Variants in ARHGAP15 observed in about 807,000 individuals in gnomAD.
The protein encoded by ARHGAP15 is Rho GTPase activating protein 15, also known as rho GTPase-activating protein 15.
ARHGAP15 carries 51 observed loss-of-function variants against 63.7 expected under a neutral mutation model. The ratio of observed to expected loss-of-function variants is 0.80; its 90% CI spans 0.64 to 1.01. The LOEUF is 1.01. Among genes scored for constraint, ARHGAP15 ranks in the 50% least tolerant of loss-of-function variants. The probability of loss-of-function intolerance (pLI) is 0.00; values close to 1 mark genes in which losing one functional copy is unlikely to be tolerated. For synonymous variants in ARHGAP15, 191 were observed against 193.8 expected, an observed-to-expected ratio of 0.99 and a Z score of 0.12; for missense variants, 560 against 564.6, an observed-to-expected ratio of 0.99 and a Z score of 0.08.
chr2:143,160,818 C>A (rs938194578), intron 2 of ARHGAP15, among the ~76,000 whole-genome samples: 2 of 151,868 alleles, frequency 1.3e-5, no homozygotes, highest in Admixed American at 1.3e-4. Flanking sequence ...CTCTATTTAC[C>A]AAGCACAAAT....
At chr2:143,224,592 T>C (rs1010050161) in intron 4 of ARHGAP15, among the ~76,000 whole-genome samples, 2 of 152,188 alleles carry the variant, frequency 1.3e-5, no homozygotes, top group Admixed American at 1.3e-4. Flanking sequence ...GACACACCTA[T>C]CCTGGCTAAG....
intron 6 of ARHGAP15, among the ~76,000 whole-genome samples, chr2:143,300,882 G>C (rs1490549841): frequency 6.6e-6 from 1 of 151,980 alleles, no homozygotes; most frequent in Non-Finnish European, 1.5e-5. Flanking sequence ...GTCTCTCAGA[G>C]GGAACTACCA....
At chr2:143,763,010 T>C (rs748456872) in intron 13 of ARHGAP15, among the ~76,000 whole-genome samples, 4 of 152,120 alleles carry the variant, frequency 2.6e-5, no homozygotes, top group Non-Finnish European at 5.9e-5. Context: ...AGATACTAAA[T>C]TGAGTTATAT....
At chr2:143,511,373 T>C (rs1330577705) in intron 9 of ARHGAP15, among the ~76,000 whole-genome samples, 2 of 152,158 alleles carry the variant, frequency 1.3e-5, no homozygotes, top group South Asian at 2.1e-4. Context: ...GGGATGAAGA[T>C]AGAATGATCA....
chr2:143,193,998 C>T (rs542082637), intron 2 of ARHGAP15, among the ~76,000 whole-genome samples: 2 of 152,124 alleles, frequency 1.3e-5, no homozygotes, highest in Non-Finnish European at 1.5e-5. Context: ...GAAAATAAAG[C>T]CTGATTCTAA....
At chr2:143,744,932 A>G (rs138077442) in intron 13 of ARHGAP15, among the ~76,000 whole-genome samples, 32 of 152,354 alleles carry the variant, frequency 2.1e-4, no homozygotes, top group Non-Finnish European at 4.1e-4. Context: ...GCAGATCTAT[A>G]TGTGCTCACC....
chr2:143,237,496 C>T (rs971341371), intron 5 of ARHGAP15: 1 of 152,134 alleles, frequency 6.6e-6, no homozygotes, highest in Non-Finnish European at 1.5e-5. Context: ...CTAAGGAGAG[C>T]GAAAAACATG....
intron 6 of ARHGAP15, among the ~76,000 whole-genome samples, chr2:143,316,708 A>C (rs1683737142): frequency 1.3e-5 from 2 of 151,674 alleles, no homozygotes; most frequent in African/African-American, 2.4e-5. Flanking sequence ...TTCTCTGATC[A>C]ATTCTGTCTC....
At chr2:143,545,781 A>G (rs1266625804) in intron 10 of ARHGAP15, among the ~76,000 whole-genome samples, 2 of 152,142 alleles carry the variant, frequency 1.3e-5, no homozygotes, top group African/African-American at 4.8e-5. Context: ...GCAGTAAGTT[A>G]ATTAGAATCA....
chr2:143,207,948 T>C (rs930484768), intron 3 of ARHGAP15, among the ~76,000 whole-genome samples: 1 of 152,110 alleles, frequency 6.6e-6, no homozygotes, highest in Non-Finnish European at 1.5e-5. Context: ...TCTGGTATGT[T>C]CCCTACTTTC....
At chr2:143,643,888 T>A (rs1680736542) in intron 12 of ARHGAP15, among the ~76,000 whole-genome samples, 1 of 151,982 alleles carries the variant, frequency 6.6e-6, no homozygotes, top group South Asian at 2.1e-4. Flanking sequence ...TGTTGATGAG[T>A]TGTTTTGCAC....
In ARHGAP15 at chr2:143,556,420, A is replaced by G. The variant is rs1695802104; in HGVS notation, c.938A>G (p.Asp313Gly). 2 of 1,611,936 alleles carry G rather than the reference A, an allele frequency of 1.2e-6. No individual in the cohort carries two copies. Among genetic ancestry groups the G allele is most frequent in the Admixed American group, 1.7e-5 (1 of 59,898 alleles). The stretch of plus-strand genomic sequence containing the variant: ...CTTTTGTCTTCAGGTCTAGATGTTG[A>G]TGGAATATATCGAGTTAGTGGCAAT... ...EAVEKRGLDVDGIYRVSGNLA... is the reference protein window; with the variant it reads ...EAVEKRGLDVGGIYRVSGNLA... Residue 313 changes from aspartate (D) to glycine (G), a missense_variant, in exon 11 of 14, where the codon GAT becomes GGT. Coordinates refer to ENST00000295095, the MANE Select transcript of ARHGAP15 (RefSeq NM_018460.4).
chr2:143,150,770 A>G lies in ARHGAP15; in HGVS notation c.-14-4707A>G, dbSNP rs375147775. Reference sequence around the variant, plus strand: ...AGAACATAAAAACACAAGGCATCAAAGTTTTCTCTAACAAAATTTAATAGT... The same window carrying G: ...AGAACATAAAAACACAAGGCATCAAGGTTTTCTCTAACAAAATTTAATAGT... On this transcript the variant is annotated intron_variant, in intron 1 of 13. Transcript: ENST00000295095. Among the ~76,000 whole-genome samples the G allele has an allele frequency of 1.7e-4, 26 of 152,098 alleles. No homozygotes were observed. In the East Asian group the frequency reaches 4.7e-3, roughly 27 times the overall value.
chr2:143,457,026 C>T (rs1247024931), intron 8 of ARHGAP15, among the ~76,000 whole-genome samples: 6 of 151,892 alleles, frequency 4.0e-5, no homozygotes, highest in African/African-American at 4.8e-5. Context: ...AACAAAATCT[C>T]GAATCGTAAC....
At chr2:143,468,267 G>C (rs190606679) in intron 8 of ARHGAP15, among the ~76,000 whole-genome samples, 3 of 151,304 alleles carry the variant, frequency 2.0e-5, no homozygotes, top group African/African-American at 7.3e-5. Flanking sequence ...ATGGAATTCT[G>C]TTTGTAGTCA....
intron 10 of ARHGAP15, among the ~76,000 whole-genome samples, chr2:143,527,432 CTT>C (rs949665948): frequency 2.6e-5 from 4 of 151,556 alleles, no homozygotes; most frequent in Non-Finnish European, 4.4e-5. Context: ...TTTTATCTCT[CTT>C]TGCCTGATTT....
rs149011972 is a variant in ARHGAP15, at chr2:143,680,960, T to C, written c.1139-22459T>C. Among the ~76,000 whole-genome samples, 12 of 152,294 alleles carry C rather than the reference T, an allele frequency of 7.9e-5. No homozygotes were observed. In the East Asian group the frequency reaches 1.9e-3, roughly 24 times the overall value. ...AATCTTAGTGAAAGTCAGTAGAAAA[T>C]TCTAAATCTCTTCATAGTAGCCTGC... is the stretch of plus-strand genomic sequence containing the variant. On this transcript the variant is annotated intron_variant, in intron 12 of 13. Transcript: ENST00000295095.
chr2:143,575,473 G>T (rs909794157), intron 11 of ARHGAP15, among the ~76,000 whole-genome samples: 1 of 152,088 alleles, frequency 6.6e-6, no homozygotes, highest in African/African-American at 2.4e-5. Context: ...ATGTTTCTGC[G>T]CCTTCCTGCA....
intron 6 of ARHGAP15, chr2:143,344,368 A>G (rs192623984): frequency 3.9e-5 from 6 of 152,252 alleles, no homozygotes; most frequent in Admixed American, 3.9e-4. Context: ...AGATGTAAGA[A>G]TTGGCTTAAT....
Sources: gnomAD v4.1 joint callset for allele counts (sites outside exome capture counted in the v4.1 genomes callset) on GRCh38, gnomAD v4.1.1 for gene constraint, MANE v1.5 for transcripts, NCBI Gene and HGNC (gene_info 2026-07-23, HGNC 2026-07-21) for gene names.